Variants in PPP4R3A observed in about 807,000 individuals in gnomAD.
PPP4R3A encodes serine/threonine-protein phosphatase 4 regulatory subunit 3A.
Under a neutral mutation model 91.7 loss-of-function variants are expected in PPP4R3A, and 15 were observed. The observed-to-expected ratio is 0.16, with a 90% CI of 0.11 to 0.25. The LOEUF (loss-of-function observed/expected upper bound fraction) is 0.25, where lower values mean the gene tolerates loss of function less well. PPP4R3A is among the 10% of genes least tolerant of loss of function. The probability of loss-of-function intolerance (pLI) is 1.00; values close to 1 mark genes in which losing one functional copy is unlikely to be tolerated. For missense variants in PPP4R3A, 623 were observed against 998.4 expected (o/e 0.62, Z 5.07); for synonymous variants, 377 against 348.7 (o/e 1.08, Z -0.91).
At position 91,458,495 on chromosome 14, in the gene PPP4R3A, T is replaced by TG; in HGVS notation, c.*263_*264insC. On this transcript the variant is annotated 3_prime_UTR_variant, in exon 15 of 15. Coordinates refer to ENST00000554943, the MANE Select transcript of PPP4R3A (RefSeq NM_001366432.2). ...ACAAAACCCCTGCCCTGTTGGCTTT[T>TG]TGTTTCCATTTCCTTCCCTGAGAAA... 2.0e-6 allele frequency: 1 copy of TG among 506,838 alleles called. No homozygotes were observed. Among genetic ancestry groups the TG allele is most frequent in the Non-Finnish European group, 3.6e-6 (1 of 279,816 alleles). The allele number at this position is 506,838 out of a possible 1,614,324, so 31.4% of individuals were successfully genotyped here.
At chr14:91,477,109 TC>T in intron 4 of PPP4R3A, 123 bp from the exon 5 acceptor site, 15 of 490,552 alleles carry the variant, frequency 3.1e-5, no homozygotes, top group Non-Finnish European at 3.6e-5. Flanking sequence ...GGCAATGCTG[TC>T]TTTTTTTTTT....
At chr14:91,480,080 G>GA (rs1263360852) in intron 4 of PPP4R3A, among the ~76,000 whole-genome samples, 2 of 152,080 alleles carry the variant, frequency 1.3e-5, no homozygotes, top group East Asian at 3.8e-4. Context: ...CAGAATTCAT[G>GA]ATACTGCACC....
chr14:91,505,444 T>TA (rs1555353059), intron 1 of PPP4R3A, among the ~76,000 whole-genome samples: 891 of 39,642 alleles, frequency 0.022, 3 homozygotes, highest in East Asian at 0.13. Context: ...AGATTCTGCC[T>TA]AAAAAAAAAA....
chr14:91,484,941 ATAAAT>A (rs1451907847), intron 3 of PPP4R3A, among the ~76,000 whole-genome samples: 5 of 152,030 alleles, frequency 3.3e-5, no homozygotes, highest in African/African-American at 1.2e-4. Context: ...AAACTCCAGA[ATAAAT>A]TAAGAACATT....
At chr14:91,464,879 T>G (rs1888382792) in intron 11 of PPP4R3A, among the ~76,000 whole-genome samples, 1 of 152,176 alleles carries the variant, frequency 6.6e-6, no homozygotes, top group Admixed American at 6.6e-5. Flanking sequence ...ATGAAATTGT[T>G]CCACCTCACA....
intron 1 of PPP4R3A, among the ~76,000 whole-genome samples, chr14:91,496,129 C>G (rs1890552428): frequency 6.6e-6 from 1 of 152,064 alleles, no homozygotes; most frequent in African/African-American, 2.4e-5. Flanking sequence ...CAAAATTAAC[C>G]TATCATTAGG....
chr14:91,494,563 A>C (rs766937645), intron 1 of PPP4R3A, among the ~76,000 whole-genome samples: 2 of 152,232 alleles, frequency 1.3e-5, no homozygotes, highest in African/African-American at 2.4e-5. Context: ...GGAAATGCAA[A>C]TCAAACCCAC....
Position 91,482,009 on chromosome 14 carries a change from G to C in PPP4R3A, c.482C>G (p.Ala161Gly). ...ATAACCCTCATTTTCTAGTGCCAGTGCAAGTTTTTCACGACGAAGAGGTGA... is the reference window on the plus strand; with the variant it reads ...ATAACCCTCATTTTCTAGTGCCAGTCCAAGTTTTTCACGACGAAGAGGTGA... ...LPSPLRREKL[A>G]LALENEGYIK... Residue 161 changes from alanine to glycine, a missense_variant, in exon 4 of 15, where the codon GCA (alanine) becomes GGA (glycine). Physicochemically the swap from Ala to Gly is moderately conservative, Grantham distance 60. Coordinates refer to ENST00000554943, the MANE Select transcript of PPP4R3A (RefSeq NM_001366432.2). 6.2e-7 allele frequency: 1 copy of C among 1,614,014 alleles called. No homozygotes were observed. The highest frequency in any genetic ancestry group is 8.5e-7 in the Non-Finnish European group (1 of 1,180,018).
chr14:91,507,421 T>TATACTATATAGA (rs2140176060), intron 1 of PPP4R3A, among the ~76,000 whole-genome samples: 1 of 113,338 alleles, frequency 8.8e-6, no homozygotes, highest in Admixed American at 9.6e-5. Flanking sequence ...TACTATATAA[T>TATACTATATAGA]ATATATACTA....
chr14:91,483,042 T>C (rs1889668706), intron 3 of PPP4R3A, among the ~76,000 whole-genome samples: 4 of 152,228 alleles, frequency 2.6e-5, no homozygotes, highest in Admixed American at 2.0e-4. Context: ...TCATAAAACC[T>C]AATTTTATGC....
chr14:91,494,034 T>C (rs1460961034), intron 1 of PPP4R3A, among the ~76,000 whole-genome samples: 3 of 151,490 alleles, frequency 2.0e-5, no homozygotes, highest in Non-Finnish European at 4.4e-5. Context: ...GGTGGGTCAC[T>C]TGAGGTCAGC....
At chr14:91,501,672 G>C (rs1371822733) in intron 1 of PPP4R3A, among the ~76,000 whole-genome samples, 3 of 149,944 alleles carry the variant, frequency 2.0e-5, no homozygotes, top group African/African-American at 7.3e-5. Context: ...AGTCAATGGG[G>C]CCCAAAATCT....
intron 1 of PPP4R3A, among the ~76,000 whole-genome samples, chr14:91,507,532 T>C (rs1333463303): frequency 2.2e-5 from 3 of 138,300 alleles, no homozygotes; most frequent in Admixed American, 1.5e-4. Flanking sequence ...TATAGTTATA[T>C]ATACTATATA....
At chr14:91,490,150 G>A (rs1005988705) in intron 2 of PPP4R3A, among the ~76,000 whole-genome samples, 6 of 152,142 alleles carry the variant, frequency 3.9e-5, no homozygotes, top group Non-Finnish European at 2.9e-5. Flanking sequence ...GCGCACGCGC[G>A]TGTGTACTGA....
Position 91,462,686 on chromosome 14 carries a change from C to T in PPP4R3A, c.1973+49G>A, listed in dbSNP as rs764633996. ...TATCAAATAAACAATAAAGCCACTA[C>T]CATACGACTTGATGCTGAACGAATA... On this transcript the variant is annotated intron_variant, in intron 12 of 14. Transcript: ENST00000554943. 5 of 1,603,026 alleles carry T rather than the reference C, an allele frequency of 3.1e-6. No homozygotes were observed. In the East Asian group the frequency reaches 8.9e-5, roughly 29 times the overall value.
chr14:91,466,384 GCAGGTAGC>G, intron 10 of PPP4R3A: 1 of 985,756 alleles, frequency 1.0e-6, no homozygotes, highest in Non-Finnish European at 1.2e-6. Flanking sequence ...TCCTTCATGA[GCAGGTAGC>G]CAGGCAACCA....
rs1383924094 is a variant in PPP4R3A at position 91,491,315 on chromosome 14, C to T, written c.143-513G>A. 5.3e-5 allele frequency among the ~76,000 whole-genome samples: 8 copies of T among 152,078 alleles called. 1 individual carries two copies. Among genetic ancestry groups the T allele is most frequent in the Admixed American group, 1.3e-4 (2 of 15,264 alleles). On this transcript the variant is annotated intron_variant, in intron 1 of 14. Coordinates refer to ENST00000554943, the MANE Select transcript of PPP4R3A (RefSeq NM_001366432.2). ...GCTCAAGTGATCCTCCCACTGCCCC[C>T]TCCTCCCAAAGTGCTGGGATTGCAG...
At chr14:91,480,336 G>A (rs1484970367) in intron 4 of PPP4R3A, among the ~76,000 whole-genome samples, 2 of 152,100 alleles carry the variant, frequency 1.3e-5, no homozygotes, top group Non-Finnish European at 2.9e-5. Context: ...AAGAAGTTAA[G>A]GCTGCCCAAC....
At position 91,509,757 on chromosome 14, in the gene PPP4R3A, G is replaced by A. The variant is rs544924251; in HGVS notation, c.-110C>T. On this transcript the variant is annotated 5_prime_UTR_variant, in exon 1 of 15. Transcript: ENST00000554943. Reference sequence around the variant, plus strand: ...GGCGCCCGCGAGCGGAGGGCTCCCCGGCCTCACTGCCGCCGCTGGGCGCCG... The same window carrying A: ...GGCGCCCGCGAGCGGAGGGCTCCCCAGCCTCACTGCCGCCGCTGGGCGCCG... The A allele has an allele frequency of 5.3e-5, 70 of 1,316,922 alleles. No homozygotes were observed. In the South Asian group the frequency reaches 1.4e-3, roughly 26 times the overall value. The allele number at this position is 1,316,922 out of a possible 1,614,324, so 81.6% of individuals were successfully genotyped here. A position where few individuals can be genotyped will look rare whatever the true frequency, so the allele number is the denominator to read the frequency against.
Sources: gnomAD v4.1 joint callset for allele counts (sites outside exome capture counted in the v4.1 genomes callset) on GRCh38, gnomAD v4.1.1 for gene constraint, MANE v1.5 for transcripts, NCBI Gene and HGNC (gene_info 2026-07-23, HGNC 2026-07-21) for gene names.